The following TSHZ2 variants were observed in gnomAD, a reference collection of about 807,000 sequenced individuals.
The protein encoded by TSHZ2 is teashirt zinc finger homeobox 2.
Under a neutral mutation model 74.4 loss-of-function variants are expected in TSHZ2, and 21 were observed. The ratio of observed to expected loss-of-function variants is 0.28; its 90% CI spans 0.20 to 0.41. The LOEUF (loss-of-function observed/expected upper bound fraction) is 0.41, where lower values mean the gene tolerates loss of function less well. TSHZ2 is among the 10% of genes least tolerant of loss of function. The probability of loss-of-function intolerance (pLI) is 1.00; values close to 1 mark genes in which losing one functional copy is unlikely to be tolerated. For synonymous variants in TSHZ2, 540 were observed against 515.3 expected, an observed-to-expected ratio of 1.05 and a Z score of -0.65; for missense variants, 1,244 against 1,293.5, an observed-to-expected ratio of 0.96 and a Z score of 0.59.
chr20:53,356,121 A>G, intron 2 of TSHZ2, among the ~76,000 whole-genome samples: 1 of 152,198 alleles, frequency 6.6e-6, no homozygotes, highest in East Asian at 1.9e-4. Flanking sequence ...ACATTGAGAG[A>G]TTTTAATTGA....
At chr20:53,355,562 T>C (rs752745865) in intron 2 of TSHZ2, among the ~76,000 whole-genome samples, 1 of 152,172 alleles carries the variant, frequency 6.6e-6, no homozygotes, top group Non-Finnish European at 1.5e-5. Context: ...AAGGCAAATC[T>C]ATAGAGATAT....
At chr20:53,397,532 T>A (rs1460246696) in intron 2 of TSHZ2, 1 of 152,244 alleles carries the variant, frequency 6.6e-6, no homozygotes, top group Non-Finnish European at 1.5e-5. Flanking sequence ...TTGGTGGGAC[T>A]GTAAACTAGT....
At chr20:53,411,495 G>A (rs1600618281) in intron 2 of TSHZ2, among the ~76,000 whole-genome samples, 1 of 152,150 alleles carries the variant, frequency 6.6e-6, no homozygotes, top group South Asian at 2.1e-4. Context: ...CTTAACATAA[G>A]CTCTCTGAAC....
chr20:53,430,934 T>G (rs748846282), intron 2 of TSHZ2, among the ~76,000 whole-genome samples: 58 of 152,142 alleles, frequency 3.8e-4, no homozygotes, highest in Non-Finnish European at 7.1e-4. Context: ...TTTTGTATTT[T>G]TAGTAGAGAC....
intron 2 of TSHZ2, among the ~76,000 whole-genome samples, chr20:53,365,367 C>T (rs951421754): frequency 6.6e-6 from 1 of 152,132 alleles, no homozygotes; most frequent in Admixed American, 6.5e-5. Context: ...GAGGCTCTAG[C>T]TTATTCACTT....
chr20:53,022,958 T>A (rs1466603579), intron 1 of TSHZ2, among the ~76,000 whole-genome samples: 1 of 151,398 alleles, frequency 6.6e-6, no homozygotes, highest in African/African-American at 2.4e-5. Flanking sequence ...GCTTCTCTTC[T>A]TGTCTAAACT....
chr20:53,454,875 CAG>C (rs1437421777), intron 2 of TSHZ2, among the ~76,000 whole-genome samples: 1 of 152,196 alleles, frequency 6.6e-6, no homozygotes, highest in African/African-American at 2.4e-5. Flanking sequence ...TGAAACTTAC[CAG>C]ATCACCACAT....
chr20:53,079,799 T>C (rs554387300), intron 1 of TSHZ2, among the ~76,000 whole-genome samples: 1 of 149,526 alleles, frequency 6.7e-6, no homozygotes, highest in East Asian at 2.0e-4. Flanking sequence ...CTACTATAGC[T>C]ACTAGTAACC....
At chr20:53,215,817 G>A (rs1236531552) in intron 1 of TSHZ2, among the ~76,000 whole-genome samples, 2 of 149,766 alleles carry the variant, frequency 1.3e-5, no homozygotes, top group Non-Finnish European at 3.0e-5. Flanking sequence ...GTGGTGAGCC[G>A]AGGTCGCGCC....
chr20:53,390,974 T>C (rs1339256139), intron 2 of TSHZ2, among the ~76,000 whole-genome samples: 2 of 152,222 alleles, frequency 1.3e-5, no homozygotes. Flanking sequence ...TCTGATGCAA[T>C]GTGAAGCAGC....
chr20:53,359,389 A>G (rs938631520), intron 2 of TSHZ2, among the ~76,000 whole-genome samples: 9 of 152,186 alleles, frequency 5.9e-5, no homozygotes, highest in African/African-American at 1.7e-4. Context: ...CATGCCTACA[A>G]TTCCTTAGCC....
At chr20:53,359,977 G>A (rs1980991315) in intron 2 of TSHZ2, among the ~76,000 whole-genome samples, 1 of 152,170 alleles carries the variant, frequency 6.6e-6, no homozygotes. Context: ...TCAGGCTCTG[G>A]AACTAATTGA....
intron 2 of TSHZ2, among the ~76,000 whole-genome samples, chr20:53,343,306 C>A (rs530201155): frequency 6.6e-6 from 1 of 152,166 alleles, no homozygotes; most frequent in Non-Finnish European, 1.5e-5. Flanking sequence ...TGCGGCCACA[C>A]TGGGAGTAGC....
intron 1 of TSHZ2, among the ~76,000 whole-genome samples, chr20:53,085,205 A>G (rs1222077855): frequency 6.6e-6 from 1 of 151,962 alleles, no homozygotes; most frequent in Non-Finnish European, 1.5e-5. Flanking sequence ...TCTACTAAAA[A>G]TACAAAAAAA....
intron 2 of TSHZ2, among the ~76,000 whole-genome samples, chr20:53,353,889 G>A (rs1235256660): frequency 1.3e-5 from 2 of 152,124 alleles, no homozygotes; most frequent in African/African-American, 4.8e-5. Context: ...AAGAGTAGGG[G>A]GATCAACTGT....
chr20:53,437,495 A>G (rs2145747586), intron 2 of TSHZ2, among the ~76,000 whole-genome samples: 1 of 152,272 alleles, frequency 6.6e-6, no homozygotes, highest in East Asian at 1.9e-4. Flanking sequence ...AGAAAAGAAA[A>G]GAAAAAAGAA....
rs1394699690 is a variant in TSHZ2 at position 53,253,805 on chromosome 20, A to G, written c.347A>G (p.Asn116Ser). 1 of 1,614,100 alleles carries G rather than the reference A, an allele frequency of 6.2e-7. No individual in the cohort carries two copies. Among genetic ancestry groups the G allele is most frequent in the African/African-American group, 1.3e-5 (1 of 74,950 alleles). ...KKAHTHVRLP[N>S]EAHNCMDKMT... is the part of the protein sequence containing the mutation. ...GCACACACTCACGTCAGGCTTCCAA[A>G]CGAAGCACACAATTGCATGGATAAA... is the stretch of plus-strand genomic sequence containing the variant. Residue 116 changes from asparagine to serine, a missense_variant, in exon 2 of 3, where the codon AAC (asparagine) becomes AGC (serine). Physicochemically the swap from Asn to Ser is conservative, Grantham distance 46. Transcript: ENST00000371497.
At chr20:53,143,876 G>T (rs976861113) in intron 1 of TSHZ2, among the ~76,000 whole-genome samples, 1 of 152,112 alleles carries the variant, frequency 6.6e-6, no homozygotes, top group Non-Finnish European at 1.5e-5. Flanking sequence ...CTGTATGGGA[G>T]CCCGGAGTTT....
At chr20:53,279,024 A>C (rs1239803447) in intron 2 of TSHZ2, among the ~76,000 whole-genome samples, 2 of 152,266 alleles carry the variant, frequency 1.3e-5, no homozygotes, top group Non-Finnish European at 2.9e-5. Context: ...TCTTACAATA[A>C]AGTAAGCTAG....
Sources: gnomAD v4.1 joint callset for allele counts (sites outside exome capture counted in the v4.1 genomes callset) on GRCh38, gnomAD v4.1.1 for gene constraint, MANE v1.5 for transcripts, NCBI Gene and HGNC (gene_info 2026-07-23, HGNC 2026-07-21) for gene names.